The following TRPM3 variants were observed in gnomAD, a reference collection of about 807,000 sequenced individuals.
The protein encoded by TRPM3 is long transient receptor potential channel 3.
TRPM3 carries 77 observed loss-of-function variants against 181.2 expected under a neutral mutation model. That is an observed-to-expected ratio of 0.42 (90% confidence interval 0.35 to 0.51). The LOEUF (loss-of-function observed/expected upper bound fraction) is 0.51, where lower values mean the gene tolerates loss of function less well. TRPM3 is among the 20% of genes least tolerant of loss of function. The probability of loss-of-function intolerance (pLI) is 0.01; values close to 1 mark genes in which losing one functional copy is unlikely to be tolerated. For synonymous variants in TRPM3, 745 were observed against 796.4 expected (o/e 0.94, Z 1.09); for missense variants, 1,759 against 2,196.7 (o/e 0.80, Z 3.98).
intron 22 of TRPM3, among the ~76,000 whole-genome samples, chr9:70,557,976 G>A (rs1203611249): frequency 6.6e-6 from 1 of 152,138 alleles, no homozygotes; most frequent in African/African-American, 2.4e-5. Flanking sequence ...ATGAAGTACG[G>A]GTGAAATGAA....
At chr9:71,263,095 T>C (rs2083172623) in intron 1 of TRPM3, among the ~76,000 whole-genome samples, 1 of 152,226 alleles carries the variant, frequency 6.6e-6, no homozygotes. Context: ...TAACTAATGA[T>C]ATCATAATTC....
At chr9:71,006,676 C>A (rs2097677485) in intron 1 of TRPM3, among the ~76,000 whole-genome samples, 1 of 151,968 alleles carries the variant, frequency 6.6e-6, no homozygotes, top group Non-Finnish European at 1.5e-5. Flanking sequence ...TTGAAACCAG[C>A]CTGACCAACA....
At chr9:71,432,285 C>A (rs1360482589) in intron 1 of TRPM3, among the ~76,000 whole-genome samples, 4 of 150,952 alleles carry the variant, frequency 2.6e-5, no homozygotes, top group African/African-American at 9.8e-5. Flanking sequence ...TTTTCTGTCC[C>A]CCAACTGTAT....
chr9:71,129,596 G>A (rs909902656), intron 1 of TRPM3, among the ~76,000 whole-genome samples: 5 of 152,278 alleles, frequency 3.3e-5, no homozygotes, highest in Admixed American at 2.0e-4. Flanking sequence ...AGAAGGTCAC[G>A]TGGGTGGTAA....
chr9:70,743,098 G>A (rs1162204262), intron 8 of TRPM3, among the ~76,000 whole-genome samples: 2 of 152,150 alleles, frequency 1.3e-5, no homozygotes, highest in Non-Finnish European at 2.9e-5. Flanking sequence ...TATGAACAAA[G>A]TCACACAGGT....
At chr9:70,612,363 C>G (rs2062119965) in intron 18 of TRPM3, among the ~76,000 whole-genome samples, 1 of 152,108 alleles carries the variant, frequency 6.6e-6, no homozygotes, top group Non-Finnish European at 1.5e-5. Context: ...AGACAGAGTA[C>G]TGGGAAACAA....
At chr9:70,614,559 G>C (rs996700126) in intron 18 of TRPM3, among the ~76,000 whole-genome samples, 2 of 152,118 alleles carry the variant, frequency 1.3e-5, no homozygotes, top group African/African-American at 4.8e-5. Flanking sequence ...ACTTTTGTGA[G>C]GATTCCATTA....
At chr9:71,432,714 A>G (rs2093976652) in intron 1 of TRPM3, among the ~76,000 whole-genome samples, 1 of 152,220 alleles carries the variant, frequency 6.6e-6, no homozygotes, top group African/African-American at 2.4e-5. Context: ...CTTTTTGTTC[A>G]AAATGTGTGT....
intron 1 of TRPM3, among the ~76,000 whole-genome samples, chr9:71,100,580 C>A (rs573333302): frequency 3.3e-5 from 5 of 152,220 alleles, no homozygotes; most frequent in African/African-American, 1.2e-4. Flanking sequence ...GTATAACATA[C>A]TACCTGGCAT....
intron 25 of TRPM3, among the ~76,000 whole-genome samples, chr9:70,538,804 G>T (rs1184207029): frequency 5.3e-5 from 8 of 152,188 alleles, no homozygotes; most frequent in Admixed American, 4.6e-4. Flanking sequence ...CAACAAATGG[G>T]TCAATGACAT....
intron 1 of TRPM3, among the ~76,000 whole-genome samples, chr9:70,964,354 G>T (rs2097165507): frequency 6.6e-6 from 1 of 152,030 alleles, no homozygotes; most frequent in Non-Finnish European, 1.5e-5. Flanking sequence ...TAACAGAGAG[G>T]TAACAGAAGA....
intron 7 of TRPM3, among the ~76,000 whole-genome samples, chr9:70,763,625 T>TATTC (rs1177805693): frequency 2.6e-4 from 40 of 152,336 alleles, no homozygotes; most frequent in African/African-American, 9.4e-4. Flanking sequence ...TGAAATCATT[T>TATTC]ATTCATTCAT....
chr9:71,243,195 C>A (rs574636748), intron 1 of TRPM3, among the ~76,000 whole-genome samples: 4 of 152,342 alleles, frequency 2.6e-5, no homozygotes, highest in Admixed American at 2.0e-4. Flanking sequence ...GCACCCGCAA[C>A]TACGCCCAGC....
intron 17 of TRPM3, 101 bp from the exon 18 acceptor site, chr9:70,616,176 G>A: frequency 4.6e-6 from 4 of 860,814 alleles, no homozygotes; most frequent in Non-Finnish European, 6.9e-6. Context: ...GTATAAGAGT[G>A]TATGCGTGTG....
intron 1 of TRPM3, among the ~76,000 whole-genome samples, chr9:71,025,708 T>A (rs1048318585): frequency 6.6e-6 from 1 of 152,192 alleles, no homozygotes; most frequent in Non-Finnish European, 1.5e-5. Context: ...TTTGGGTTTT[T>A]TTCCTGCTTC....
intron 1 of TRPM3, among the ~76,000 whole-genome samples, chr9:71,027,258 C>T (rs1479010138): frequency 6.6e-6 from 1 of 152,146 alleles, no homozygotes; most frequent in Non-Finnish European, 1.5e-5. Context: ...CACTGACCAC[C>T]TTATACCATC....
chr9:70,746,333 G>A (rs1235778180), intron 8 of TRPM3, among the ~76,000 whole-genome samples: 1 of 152,118 alleles, frequency 6.6e-6, no homozygotes, highest in African/African-American at 2.4e-5. Flanking sequence ...GTTTTTATGA[G>A]TCTATTAAGG....
chr9:71,286,921 G>T (rs113650304), intron 1 of TRPM3, among the ~76,000 whole-genome samples: 31,134 of 141,556 alleles, frequency 0.22, 3,769 homozygotes, highest in African/African-American at 0.3. Flanking sequence ...CTTTGACCAC[G>T]ATATACTTTT....
At chr9:71,412,048 T>C (rs1032551546) in intron 1 of TRPM3, among the ~76,000 whole-genome samples, 5 of 152,182 alleles carry the variant, frequency 3.3e-5, no homozygotes, top group African/African-American at 7.2e-5. Flanking sequence ...TAGCCATATG[T>C]AGAAAGCTGA....
Sources: gnomAD v4.1 joint callset for allele counts (sites outside exome capture counted in the v4.1 genomes callset) on GRCh38, gnomAD v4.1.1 for gene constraint, MANE v1.5 for transcripts, NCBI Gene and HGNC (gene_info 2026-07-23, HGNC 2026-07-21) for gene names.